RSBN1L: variants seen among roughly 807,000 people sequenced by gnomAD.
The protein encoded by RSBN1L is round spermatid basic protein 1 like.
Under a neutral mutation model 67.7 loss-of-function variants are expected in RSBN1L, and 30 were observed. The observed-to-expected ratio is 0.44, with a 90% CI of 0.33 to 0.60. RSBN1L has a LOEUF of 0.60. Ranked by LOEUF, RSBN1L falls within the 20% of genes least tolerant of loss-of-function variation. RSBN1L has a pLI of 0.02. For synonymous variants in RSBN1L, 433 were observed against 387.0 expected (o/e 1.12, Z -1.39); for missense variants, 992 against 1,031.7 (o/e 0.96, Z 0.53).
At chr7:77,765,677 AGG>A (rs1791756970) in intron 4 of RSBN1L, 45 bp downstream of exon 4, 2 of 1,392,408 alleles carry the variant, frequency 1.4e-6, no homozygotes, top group Non-Finnish European at 1.9e-6. Context: ...TTTTTAAAAA[AGG>A]GAAGAAAAAC....
intron 3 of RSBN1L, among the ~76,000 whole-genome samples, chr7:77,760,190 C>G (rs1296909876): frequency 6.6e-6 from 1 of 151,994 alleles, no homozygotes; most frequent in Non-Finnish European, 1.5e-5. Context: ...ACCTCAGAAT[C>G]CTAAAGTGTT....
intron 3 of RSBN1L, among the ~76,000 whole-genome samples, chr7:77,758,481 T>G (rs1191106023): frequency 6.6e-6 from 1 of 152,228 alleles, no homozygotes; most frequent in Non-Finnish European, 1.5e-5. Flanking sequence ...ATTTATCCTT[T>G]GAGTTACAAA....
At chr7:77,747,456 A>G (rs1936883718) in intron 2 of RSBN1L, among the ~76,000 whole-genome samples, 1 of 152,052 alleles carries the variant, frequency 6.6e-6, no homozygotes, top group South Asian at 2.1e-4. Context: ...CAGCCTCAGG[A>G]TACTGCTCCC....
At chr7:77,770,693 T>C (rs1013001755) in intron 5 of RSBN1L, among the ~76,000 whole-genome samples, 1 of 151,398 alleles carries the variant, frequency 6.6e-6, no homozygotes, top group Non-Finnish European at 1.5e-5. Flanking sequence ...AAAAAAAAAA[T>C]GGTGAAATAG....
At chr7:77,700,941 G>C (rs1276526832) in intron 1 of RSBN1L, among the ~76,000 whole-genome samples, 1 of 152,076 alleles carries the variant, frequency 6.6e-6, no homozygotes. Flanking sequence ...CGAATCGCCT[G>C]AGCTCAGGAG....
chr7:77,724,998 A>G (rs1386653817), intron 1 of RSBN1L, among the ~76,000 whole-genome samples: 1 of 148,748 alleles, frequency 6.7e-6, no homozygotes, highest in Non-Finnish European at 1.5e-5. Flanking sequence ...ACACACCACC[A>G]TGCCTGGCTA....
chr7:77,766,556 A>C (rs1300198805), intron 4 of RSBN1L, among the ~76,000 whole-genome samples: 1 of 151,862 alleles, frequency 6.6e-6, no homozygotes, highest in Non-Finnish European at 1.5e-5. Flanking sequence ...ATTTTCAAAA[A>C]GTATTTCTTA....
At chr7:77,712,273 T>C (rs937561268) in intron 1 of RSBN1L, among the ~76,000 whole-genome samples, 14 of 152,052 alleles carry the variant, frequency 9.2e-5, no homozygotes, top group African/African-American at 2.7e-4. Context: ...ACAAATCTTA[T>C]ATATACATAC....
chr7:77,767,062 TTTCCCCTTCCCTTCCCCTTCCCC>T (rs1791777051), intron 4 of RSBN1L, among the ~76,000 whole-genome samples: 1 of 103,560 alleles, frequency 9.7e-6, no homozygotes, highest in African/African-American at 3.8e-5. Context: ...TCCCCTTCCC[TTTCCCCTTCCCTTCCCCTTCCCC>T]TTCCCTTTCC....
Position 77,773,277 on chromosome 7 carries a change from G to A in RSBN1L, c.1756G>A (p.Ala586Thr). 6.2e-7 allele frequency: 1 copy of A among 1,609,026 alleles called. No individual in the cohort carries two copies. The highest frequency in any genetic ancestry group is 8.5e-7 in the Non-Finnish European group (1 of 1,177,942). ...GQGFERQTTA[A>T]VGVLKAVHCG... Reference sequence around the variant, plus strand: ...AGGTTTTGAACGACAGACTACAGCTGCTGTTGGAGTGCTGAAGGCTGTGCA... The same window carrying A: ...AGGTTTTGAACGACAGACTACAGCTACTGTTGGAGTGCTGAAGGCTGTGCA... The change falls in exon 6 of 8, where the codon GCT (alanine) becomes ACT (threonine). Residue 586 changes from alanine (A) to threonine (T), a missense_variant. By Grantham distance (58) the Ala-to-Thr change is moderately conservative. Around this residue, in one of 7 missense-constraint regions of RSBN1L, gnomAD observed 31 missense variants for 24.5 expected, o/e 1.26. Transcript: ENST00000334955.
In RSBN1L at chr7:77,703,477, G is replaced by GTTTTTTTT. The variant is rs71529102; in HGVS notation, c.586+6445_586+6452dup. Among the ~76,000 whole-genome samples the GTTTTTTTT allele has an allele frequency of 6.8e-4, 42 of 61,612 alleles. 3 individuals are homozygous for GTTTTTTTT. Among genetic ancestry groups the GTTTTTTTT allele is most frequent in the Admixed American group, 1.2e-3 (4 of 3,272 alleles). The allele number at this position is 61,612 out of a possible 152,430, so 40.4% of individuals were successfully genotyped here. A position where few individuals can be genotyped will look rare whatever the true frequency, so the allele number is the denominator to read the frequency against. On this transcript the variant is annotated intron_variant, in intron 1 of 7. Coordinates refer to ENST00000334955, the MANE Select transcript of RSBN1L (RefSeq NM_198467.3). ...GTGTCTCTTTTTTCCTACTGTTTGG[G>GTTTTTTTT]TTTTTTTTTTTTTTTTTTTTTTTTT...
At chr7:77,777,217 T>A (rs992904824) in intron 6 of RSBN1L, among the ~76,000 whole-genome samples, 2 of 152,130 alleles carry the variant, frequency 1.3e-5, no homozygotes, top group Non-Finnish European at 2.9e-5. Flanking sequence ...TATTTTACTT[T>A]ACATATGCCA....
intron 1 of RSBN1L, chr7:77,697,258 G>A: frequency 2.3e-6 from 1 of 429,172 alleles, no homozygotes; most frequent in Non-Finnish European, 3.9e-6. Context: ...CAGAGAGGGG[G>A]ATGGCCGACA....
chr7:77,771,010 C>T lies in RSBN1L; in HGVS notation c.1626-2137C>T, dbSNP rs867828863. On this transcript the variant is annotated intron_variant, in intron 5 of 7. Transcript: ENST00000334955. Reference sequence around the variant, plus strand: ...AGGCTGGAGTGCAGTGGTGCAATCTCGGCTCACTGCAACCTCCACCTCCCG... The same window carrying T: ...AGGCTGGAGTGCAGTGGTGCAATCTTGGCTCACTGCAACCTCCACCTCCCG... Among the ~76,000 whole-genome samples the T allele has an allele frequency of 6.6e-5, 10 of 152,244 alleles. No homozygotes were observed. In the South Asian group the frequency reaches 1.5e-3, roughly 22 times the overall value.
intron 3 of RSBN1L, among the ~76,000 whole-genome samples, chr7:77,753,364 C>T (rs1791577458): frequency 6.6e-6 from 1 of 152,140 alleles, no homozygotes. Flanking sequence ...ATTTGTATTT[C>T]CCTGATGACT....
chr7:77,762,470 A>G (rs1791708091), intron 3 of RSBN1L, among the ~76,000 whole-genome samples: 1 of 152,204 alleles, frequency 6.6e-6, no homozygotes, highest in African/African-American at 2.4e-5. Flanking sequence ...TTTGAAATAA[A>G]AAGCATTATT....
rs766479986 is a variant in RSBN1L, at chr7:77,696,932, G to T, written c.463G>T (p.Ala155Ser). 5 of 1,599,580 alleles carry T rather than the reference G, an allele frequency of 3.1e-6. No homozygotes were observed. The South Asian group carries it at 4.4e-5, about 14-fold the overall frequency. The change falls in exon 1 of 8, where the codon GCC becomes TCC. Residue 155 changes from alanine (A) to serine (S), a missense_variant. Around this residue, in one of 7 missense-constraint regions of RSBN1L, gnomAD observed 575 missense variants for 483.2 expected, o/e 1.19. Coordinates refer to ENST00000334955, the MANE Select transcript of RSBN1L (RefSeq NM_198467.3). Reference sequence around the variant, plus strand: ...CGCCGCCGCCGCTGCCTCGGCTAACGCCAAGTCGCGCAGACCTAAGGAGAA... The same window carrying T: ...CGCCGCCGCCGCTGCCTCGGCTAACTCCAAGTCGCGCAGACCTAAGGAGAA... ...PAAAAAASAN[A>S]KSRRPKEKRE...
chr7:77,710,796 A>T (rs1790961896), intron 1 of RSBN1L, among the ~76,000 whole-genome samples: 1 of 151,864 alleles, frequency 6.6e-6, no homozygotes, highest in Non-Finnish European at 1.5e-5. Flanking sequence ...GAGTTCCACC[A>T]TGTTGGCCTG....
chr7:77,736,540 A>G lies in RSBN1L; in HGVS notation c.703+14A>G. The stretch of plus-strand genomic sequence containing the variant: ...TTTTGCTGAAAAGTAAGTTTTATTC[A>G]GTGATTTTAGTTCTACTTTATTATA... On this transcript the variant is annotated intron_variant, in intron 2 of 7. Coordinates refer to ENST00000334955, the MANE Select transcript of RSBN1L (RefSeq NM_198467.3). The G allele has an allele frequency of 1.6e-6, 2 of 1,279,320 alleles. No homozygotes were observed. The highest frequency in any genetic ancestry group is 5.1e-5 in the Admixed American group (2 of 39,062). 79.2% of individuals were successfully genotyped at this position (1,279,320 alleles called of 1,614,324 possible).
Sources: allele counts gnomAD v4.1 joint callset (sites outside exome capture counted in the v4.1 genomes callset), GRCh38; gene constraint gnomAD v4.1.1; regional missense constraint gnomAD v4.1.1; transcripts MANE v1.5; gene names NCBI Gene and HGNC (gene_info 2026-07-23, HGNC 2026-07-21).